DGKH: variants seen among roughly 807,000 people sequenced by gnomAD.
DGKH encodes the protein DAG kinase eta.
A neutral mutation model predicts 159.3 loss-of-function variants in DGKH; 90 were observed. That is an observed-to-expected ratio of 0.57 (90% CI 0.48 to 0.67). DGKH has a LOEUF of 0.67. Among genes scored for constraint, DGKH ranks in the 30% least tolerant of loss-of-function variants. DGKH has a pLI of 0.00. For missense variants in DGKH, 1,181 were observed against 1,506.1 expected (o/e 0.78, Z 3.57); for synonymous variants, 536 against 553.8 (o/e 0.97, Z 0.45).
chr13:42,160,643 A>T (rs1036732092), intron 7 of DGKH, among the ~76,000 whole-genome samples: 1 of 152,142 alleles, frequency 6.6e-6, no homozygotes, highest in Non-Finnish European at 1.5e-5. Flanking sequence ...TAGGAAGGAG[A>T]TCATGTAGAC....
In DGKH at chr13:42,209,427, G is replaced by A. The variant is rs1315155247; in HGVS notation, c.2812G>A (p.Val938Met). 4 of 1,613,042 alleles carry A rather than the reference G, an allele frequency of 2.5e-6. No individual in the cohort carries two copies. The highest frequency in any genetic ancestry group is 4.5e-5 in the East Asian group (2 of 44,858). The change falls in exon 23 of 30, where the codon GTG (valine) becomes ATG (methionine). Residue 938 changes from valine (V) to methionine (M), a missense_variant. Transcript: ENST00000337343. ...TCAGCCTCCAGGGATTATCAAAATT[G>A]TGCACAAAAACAGAGCACAAATGCT... ...WVQPPGIIKI[V>M]HKNRAQMLTR... is the part of the protein sequence containing the mutation.
chr13:42,246,418 C>A (rs1958580064), downstream of DGKH, among the ~76,000 whole-genome samples: 1 of 151,816 alleles, frequency 6.6e-6, no homozygotes, highest in Admixed American at 6.6e-5. Context: ...GAGGCCTCAT[C>A]TCTATTAAAA....
intron 1 of DGKH, among the ~76,000 whole-genome samples, chr13:42,115,581 G>C (rs1170171): frequency 0.67 from 102,297 of 152,022 alleles, 35,171 homozygotes; most frequent in African/African-American, 0.81. Context: ...GAGTAGAAGG[G>C]AGAGCTGGTG....
intron 2 of DGKH, among the ~76,000 whole-genome samples, chr13:42,128,417 T>C (rs910146096): frequency 3.9e-5 from 6 of 152,192 alleles, no homozygotes; most frequent in East Asian, 1.9e-4. Context: ...GTAATAACCA[T>C]GTAAAATAAT....
chr13:42,224,903 A>AAAT (rs1555279950), intron 29 of DGKH, among the ~76,000 whole-genome samples: 3,398 of 144,948 alleles, frequency 0.023, 108 homozygotes, highest in African/African-American at 0.079. Context: ...GGAAAAAAAA[A>AAAT]ATATATATAT....
intron 26 of DGKH, among the ~76,000 whole-genome samples, chr13:42,216,069 A>G (rs1957786139): frequency 6.6e-6 from 1 of 152,228 alleles, no homozygotes; most frequent in African/African-American, 2.4e-5. Context: ...GGTTTGCTTA[A>G]AAGAGGACAT....
intron 1 of DGKH, among the ~76,000 whole-genome samples, chr13:42,085,254 C>T (rs1954280301): frequency 6.6e-6 from 1 of 152,226 alleles, no homozygotes; most frequent in African/African-American, 2.4e-5. Flanking sequence ...ATTAATGTTA[C>T]ATTTCATGCT....
chr13:42,049,119 A>C (rs1881042339), intron 1 of DGKH, among the ~76,000 whole-genome samples, 154 bp downstream of exon 1: 2 of 77,636 alleles, frequency 2.6e-5, no homozygotes, highest in Admixed American at 1.2e-4. Flanking sequence ...GAAGGCGGGG[A>C]AGGCGGGGAA....
rs1957259873 is a variant in DGKH at position 42,198,461 on chromosome 13, T to A, written c.2168-17T>A. The A allele has an allele frequency of 1.2e-6, 2 of 1,607,492 alleles. No individual in the cohort carries two copies. Among genetic ancestry groups the A allele is most frequent in the Non-Finnish European group, 1.7e-6 (2 of 1,175,106 alleles). ...TTCTTAACATGCGATCCCATATGTG[T>A]TTGCTTTTCTTTCCAGGTTTAAGAG... On this transcript the variant is annotated splice_polypyrimidine_tract_variant and intron_variant, in intron 17 of 29. Coordinates refer to ENST00000337343, the MANE Select transcript of DGKH (RefSeq NM_178009.5).
chr13:42,073,344 G>A (rs1883099812), intron 1 of DGKH, among the ~76,000 whole-genome samples: 3 of 152,220 alleles, frequency 2.0e-5, no homozygotes, highest in Admixed American at 2.0e-4. Context: ...TAGTGGGGGA[G>A]ACAGCTATAT....
intron 1 of DGKH, among the ~76,000 whole-genome samples, chr13:42,120,412 T>A (rs1178411163): frequency 6.6e-6 from 1 of 152,196 alleles, no homozygotes; most frequent in African/African-American, 2.4e-5. Context: ...ATAAGTATAT[T>A]TCAAACTTTC....
At chr13:42,167,794 A>G (rs1046938832) in intron 9 of DGKH, among the ~76,000 whole-genome samples, 1 of 151,868 alleles carries the variant, frequency 6.6e-6, no homozygotes, top group African/African-American at 2.4e-5. Context: ...TTATTTTCCC[A>G]TTTGTCCTCG....
At position 42,183,064 on chromosome 13, in the gene DGKH, G is replaced by A. The variant is rs1956817967; in HGVS notation, c.1539-3985G>A. Among the ~76,000 whole-genome samples the A allele has an allele frequency of 2.0e-5, 3 of 152,262 alleles. No homozygotes were observed. In the South Asian group the frequency reaches 6.2e-4, roughly 32 times the overall value. On this transcript the variant is annotated intron_variant, in intron 13 of 29. Transcript: ENST00000337343. ...AACACTTTGGGAGGCCAAGGTGGGAGGATTACTTGAGCCCAGGAGTTCAAG... is the reference window on the plus strand; with the variant it reads ...AACACTTTGGGAGGCCAAGGTGGGAAGATTACTTGAGCCCAGGAGTTCAAG...
chr13:42,158,516 A>G (rs1235061940), intron 5 of DGKH, among the ~76,000 whole-genome samples: 1 of 152,126 alleles, frequency 6.6e-6, no homozygotes, highest in Non-Finnish European at 1.5e-5. Context: ...GTTTTTCCAT[A>G]TATGTGCTGC....
intron 11 of DGKH, among the ~76,000 whole-genome samples, chr13:42,170,826 C>A (rs1203843871): frequency 6.6e-6 from 1 of 151,770 alleles, no homozygotes; most frequent in East Asian, 1.9e-4. Context: ...ACCTGTAATC[C>A]CAGCTACTCG....
chr13:42,082,781 G>C (rs774515630), intron 1 of DGKH, among the ~76,000 whole-genome samples: 14 of 152,090 alleles, frequency 9.2e-5, no homozygotes, highest in Non-Finnish European at 1.6e-4. Flanking sequence ...GTAATACTCT[G>C]TATTTCCCTT....
rs538918506 is a variant in DGKH, at chr13:42,132,639, C to T, written c.384+3007C>T. Among the ~76,000 whole-genome samples the T allele has an allele frequency of 1.5e-4, 23 of 152,314 alleles. No homozygotes were observed. The South Asian group carries it at 3.9e-3, about 26-fold the overall frequency. On this transcript the variant is annotated intron_variant, in intron 3 of 29. Transcript: ENST00000337343. ...ATTTTTGACCAGGCACAGTGGCTCA[C>T]ACCTGTAATCCCAACACTTTGAGAG...
rs114877556 is a variant in DGKH, at chr13:42,086,037, G to C, written c.192+37072G>C. Among the ~76,000 whole-genome samples the C allele has an allele frequency of 1.5e-3, 229 of 152,084 alleles. 1 individual carries two copies. Among genetic ancestry groups the C allele is most frequent in the African/African-American group, 5.2e-3 (217 of 41,482 alleles). On this transcript the variant is annotated intron_variant, in intron 1 of 29. Transcript: ENST00000337343. ...GGGTTCAAGCGATTCTCGTGCCTCA[G>C]CCCTTGAGTAGATGGGATTACAGGC...
At chr13:42,221,802 G>A (rs747939200) in intron 29 of DGKH, among the ~76,000 whole-genome samples, 1 of 152,096 alleles carries the variant, frequency 6.6e-6, no homozygotes, top group South Asian at 2.1e-4. Context: ...CAATAACAAA[G>A]CCTTTCTAAC....
Sources: gnomAD v4.1 joint callset for allele counts (sites outside exome capture counted in the v4.1 genomes callset) on GRCh38, gnomAD v4.1.1 for gene constraint, MANE v1.5 for transcripts, NCBI Gene and HGNC (gene_info 2026-07-23, HGNC 2026-07-21) for gene names.